The following EPHB1 variants were observed in gnomAD, a reference collection of about 807,000 sequenced individuals.
EPHB1 encodes EPH receptor B1.
In EPHB1, 30 loss-of-function variants were observed where a neutral mutation model predicts 94.4. The ratio of observed to expected loss-of-function variants is 0.32; its 90% CI spans 0.24 to 0.43. The LOEUF (loss-of-function observed/expected upper bound fraction) is 0.43, where lower values mean the gene tolerates loss of function less well. EPHB1 is among the 20% of genes least tolerant of loss of function. EPHB1 has a pLI of 1.00. For synonymous variants in EPHB1, 522 were observed against 489.1 expected, an observed-to-expected ratio of 1.07 and a Z score of -0.89; for missense variants, 1,055 against 1,308.3, an observed-to-expected ratio of 0.81 and a Z score of 2.99.
At chr3:134,919,249 G>A (rs910170735) in intron 1 of EPHB1, among the ~76,000 whole-genome samples, 2 of 152,210 alleles carry the variant, frequency 1.3e-5, no homozygotes, top group Non-Finnish European at 2.9e-5. Flanking sequence ...GGAAGGGTTT[G>A]GTGTGAAGAA....
intron 9 of EPHB1, among the ~76,000 whole-genome samples, chr3:135,176,924 C>T (rs566100214): frequency 6.6e-6 from 1 of 152,236 alleles, no homozygotes; most frequent in Non-Finnish European, 1.5e-5. Flanking sequence ...TAGTTATTTT[C>T]GAAGTAACTA....
chr3:134,796,153 T>A (rs2108280492), intron 1 of EPHB1: 1 of 212,968 alleles, frequency 4.7e-6, no homozygotes, highest in Non-Finnish European at 9.4e-6. Flanking sequence ...TTTCTCCAGC[T>A]CGCAGTCCAC....
intron 1 of EPHB1, among the ~76,000 whole-genome samples, chr3:134,809,364 G>A (rs2036123974): frequency 1.2e-5 from 1 of 84,406 alleles, no homozygotes; most frequent in South Asian, 6.4e-4. Flanking sequence ...AGCAGAAAAA[G>A]AACAGATTTT....
chr3:135,173,323 C>T (rs548944349), intron 9 of EPHB1, among the ~76,000 whole-genome samples: 16 of 152,290 alleles, frequency 1.1e-4, no homozygotes, highest in African/African-American at 3.4e-4. Flanking sequence ...CGTGAGCCAC[C>T]GCGCCCGGCC....
At chr3:134,986,821 A>G (rs765079422) in intron 3 of EPHB1, among the ~76,000 whole-genome samples, 5 of 152,118 alleles carry the variant, frequency 3.3e-5, no homozygotes, top group Non-Finnish European at 7.4e-5. Flanking sequence ...TAACACCAAC[A>G]AAAAATTTTG....
chr3:134,843,634 AT>A (rs564296176), intron 1 of EPHB1, among the ~76,000 whole-genome samples: 1 of 151,094 alleles, frequency 6.6e-6, no homozygotes, highest in East Asian at 1.9e-4. Context: ...AAATTCATTG[AT>A]TTTTTTTCTC....
chr3:135,235,376 C>T (rs1287792846), intron 12 of EPHB1, among the ~76,000 whole-genome samples: 1 of 152,226 alleles, frequency 6.6e-6, no homozygotes, highest in Admixed American at 6.5e-5. Flanking sequence ...TGCAAATTCT[C>T]AGGCCCTACC....
At chr3:134,964,024 C>T (rs9849294) in intron 3 of EPHB1, among the ~76,000 whole-genome samples, 15,224 of 152,086 alleles carry the variant, frequency 0.1, 888 homozygotes, top group Non-Finnish European at 0.13. Context: ...TCCCTAAGCT[C>T]CTCAGGGGCA....
intron 3 of EPHB1, among the ~76,000 whole-genome samples, chr3:134,971,055 T>C (rs1258928231): frequency 2.0e-5 from 3 of 152,116 alleles, no homozygotes; most frequent in Non-Finnish European, 2.9e-5. Context: ...GACTCATAGA[T>C]GAGGTGGTGG....
intron 12 of EPHB1, among the ~76,000 whole-genome samples, chr3:135,208,772 G>A (rs1288523146): frequency 6.6e-6 from 1 of 152,150 alleles, no homozygotes; most frequent in Non-Finnish European, 1.5e-5. Flanking sequence ...TAGAAATGGA[G>A]AAATAAATAT....
chr3:135,154,220 C>A lies in EPHB1; in HGVS notation c.1366C>A (p.Gln456Lys). ...GAGGAGCATCACCTTGTCATGGCCA[C>A]AGCCGGAGCAGCCCAATGGCATCAT... ...TMRSITLSWP[Q>K]PEQPNGIILD... The change falls in exon 6 of 16, where the codon CAG becomes AAG. Residue 456 changes from glutamine (Q) to lysine (K), a missense_variant. By Grantham distance (53) the Gln-to-Lys change is moderately conservative (BLOSUM62 1). Coordinates refer to ENST00000398015, the MANE Select transcript of EPHB1 (RefSeq NM_004441.5). The A allele has an allele frequency of 2.5e-6, 4 of 1,614,050 alleles. No individual in the cohort carries two copies. The highest frequency in any genetic ancestry group is 3.4e-6 in the Non-Finnish European group (4 of 1,179,880).
rs145750418 is a variant in EPHB1, at chr3:134,990,996, G to A, written c.805+38944G>A. ...CGGATAACTTTCTTCTATTTCTTGG[G>A]GTACATTTTTTTCCACGTGGAGCTC... On this transcript the variant is annotated intron_variant, in intron 3 of 15. Coordinates refer to ENST00000398015, the MANE Select transcript of EPHB1 (RefSeq NM_004441.5). 7.9e-3 allele frequency among the ~76,000 whole-genome samples: 1,198 copies of A among 151,990 alleles called. 20 individuals carry two copies. Among genetic ancestry groups the A allele is most frequent in the African/African-American group, 0.027 (1,112 of 41,482 alleles).
At chr3:134,857,885 C>A (rs973526902) in intron 1 of EPHB1, among the ~76,000 whole-genome samples, 3 of 152,172 alleles carry the variant, frequency 2.0e-5, no homozygotes, top group Non-Finnish European at 4.4e-5. Flanking sequence ...TGGATAAGTA[C>A]TAATTTCATT....
chr3:134,982,040 A>G (rs1196676923), intron 3 of EPHB1, among the ~76,000 whole-genome samples: 5 of 152,372 alleles, frequency 3.3e-5, no homozygotes, highest in Middle Eastern at 6.8e-3. Context: ...TTAACTTCAC[A>G]GGGGTTAAGT....
At chr3:134,980,761 G>A (rs1934372199) in intron 3 of EPHB1, among the ~76,000 whole-genome samples, 1 of 152,192 alleles carries the variant, frequency 6.6e-6, no homozygotes, top group Admixed American at 6.5e-5. Context: ...CTTCATGTAA[G>A]ATGAGTTACC....
intron 10 of EPHB1, among the ~76,000 whole-genome samples, chr3:135,185,640 G>C (rs1942307300): frequency 1.3e-5 from 2 of 152,204 alleles, no homozygotes; most frequent in Non-Finnish European, 2.9e-5. Context: ...GTTTATGATA[G>C]AGCTAGAATT....
chr3:135,128,898 A>C (rs1404631127), intron 4 of EPHB1, among the ~76,000 whole-genome samples: 1 of 152,170 alleles, frequency 6.6e-6, no homozygotes, highest in African/African-American at 2.4e-5. Flanking sequence ...TGTGGGAGGA[A>C]GAAGACACAC....
At chr3:134,834,626 A>G (rs1231661053) in intron 1 of EPHB1, among the ~76,000 whole-genome samples, 1 of 152,150 alleles carries the variant, frequency 6.6e-6, no homozygotes, top group Non-Finnish European at 1.5e-5. Context: ...GGCCCCCTCC[A>G]GCTACTTCTT....
intron 10 of EPHB1, 114 bp from the exon 11 acceptor site, chr3:135,192,462 G>T (rs540103261): frequency 5.4e-6 from 7 of 1,307,222 alleles, no homozygotes; most frequent in Non-Finnish European, 7.3e-6. Context: ...TTTAATTTCC[G>T]CCACTTTAAT....
Sources: allele counts gnomAD v4.1 joint callset (sites outside exome capture counted in the v4.1 genomes callset), GRCh38; gene constraint gnomAD v4.1.1; transcripts MANE v1.5; gene names NCBI Gene and HGNC (gene_info 2026-07-23, HGNC 2026-07-21).